CHODL: variants seen among roughly 807,000 people sequenced by gnomAD.
CHODL encodes the protein chondrolectin.
In CHODL, 29 loss-of-function variants were observed where a neutral mutation model predicts 34.5. That is an observed-to-expected ratio of 0.84 (90% confidence interval 0.63 to 1.15). The LOEUF is 1.15. CHODL is among the 50% of genes most tolerant of loss of function. CHODL has a pLI of 0.00. For synonymous variants in CHODL, 125 were observed against 116.1 expected (o/e 1.08, Z -0.49); for missense variants, 332 against 332.5 (o/e 1.00, Z 0.01).
At chr21:18,231,566 C>A (rs1242323062) in intron 2 of CHODL, among the ~76,000 whole-genome samples, 2 of 152,074 alleles carry the variant, frequency 1.3e-5, no homozygotes, top group African/African-American at 4.8e-5. Flanking sequence ...GCTTGCCTTG[C>A]ATTGTTTTTT....
chr21:18,260,437 A>G, intron 4 of CHODL, 151 bp downstream of exon 4: 2 of 515,768 alleles, frequency 3.9e-6, no homozygotes, highest in Non-Finnish European at 6.9e-6. Context: ...TAGGTTAGAA[A>G]AAATTATGCT....
intron 1 of CHODL, among the ~76,000 whole-genome samples, chr21:17,929,717 C>T (rs1465870910): frequency 6.6e-6 from 1 of 152,186 alleles, no homozygotes. Flanking sequence ...GGAACTTGCC[C>T]GGAGATTGCG....
intron 1 of CHODL, among the ~76,000 whole-genome samples, chr21:17,919,700 G>A (rs559135503): frequency 9.2e-5 from 14 of 152,248 alleles, no homozygotes; most frequent in Non-Finnish European, 1.2e-4. Context: ...GCAAATTTAT[G>A]CAGCCAGCTT....
At chr21:18,069,662 G>A (rs966374846) in intron 2 of CHODL, among the ~76,000 whole-genome samples, 41 of 152,136 alleles carry the variant, frequency 2.7e-4, no homozygotes, top group African/African-American at 9.6e-4. Flanking sequence ...ACATAAAGTT[G>A]ACTTAGTACA....
chr21:18,026,130 G>C (rs1386607819), intron 1 of CHODL, among the ~76,000 whole-genome samples: 1 of 152,160 alleles, frequency 6.6e-6, no homozygotes, highest in African/African-American at 2.4e-5. Flanking sequence ...GGACATAATA[G>C]ACATGAAATT....
chr21:18,008,779 G>A (rs1369422269), intron 1 of CHODL, among the ~76,000 whole-genome samples: 1 of 152,124 alleles, frequency 6.6e-6, no homozygotes, highest in Non-Finnish European at 1.5e-5. Flanking sequence ...GATAGGGACA[G>A]ACAAATCATA....
chr21:17,938,077 G>T (rs958809661), intron 1 of CHODL, among the ~76,000 whole-genome samples: 2 of 152,294 alleles, frequency 1.3e-5, no homozygotes, highest in Non-Finnish European at 2.9e-5. Flanking sequence ...AATTTGAAAA[G>T]TAAATTTTCA....
At chr21:17,973,081 C>T (rs1600846756) in intron 1 of CHODL, among the ~76,000 whole-genome samples, 1 of 152,178 alleles carries the variant, frequency 6.6e-6, no homozygotes, top group Non-Finnish European at 1.5e-5. Context: ...GGAAAACTGG[C>T]TAGCCATATG....
intron 2 of CHODL, among the ~76,000 whole-genome samples, chr21:18,200,426 A>G (rs1407820827): frequency 6.6e-6 from 1 of 152,202 alleles, no homozygotes. Flanking sequence ...TCACAAGGAA[A>G]GTACTTTTAT....
At chr21:18,061,755 A>G (rs2064669297) in intron 2 of CHODL, among the ~76,000 whole-genome samples, 1 of 152,238 alleles carries the variant, frequency 6.6e-6, no homozygotes, top group African/African-American at 2.4e-5. Flanking sequence ...AGTAGGCATC[A>G]GCAAAGATAT....
rs183985704 is a variant in CHODL, at chr21:18,190,742, T to C, written c.-44-65767T>C. 5.0e-3 allele frequency among the ~76,000 whole-genome samples: 767 copies of C among 152,318 alleles called. 8 individuals are homozygous for C. Among genetic ancestry groups the C allele is most frequent in the South Asian group, 0.019 (91 of 4,826 alleles). ...CACGTAAGGCTGAAGAGATTTTGTA[T>C]AGCAATCTGATAAAAACAATAAGAA... On this transcript the variant is annotated intron_variant, in intron 2 of 6. Transcript: ENST00000400127.
At chr21:18,162,502 C>T (rs2073108532) in intron 2 of CHODL, among the ~76,000 whole-genome samples, 1 of 151,338 alleles carries the variant, frequency 6.6e-6, no homozygotes, top group Admixed American at 6.6e-5. Flanking sequence ...CAAATTTACC[C>T]ATTTAATAAG....
chr21:18,175,269 C>G (rs1325350157), intron 2 of CHODL, among the ~76,000 whole-genome samples: 1 of 152,124 alleles, frequency 6.6e-6, no homozygotes, highest in Non-Finnish European at 1.5e-5. Context: ...TCTTTTTCAT[C>G]TATTCATTCA....
chr21:18,070,450 GA>G lies in CHODL; in HGVS notation c.-45+42489del, dbSNP rs931092021. On this transcript the variant is annotated intron_variant, in intron 2 of 6. Coordinates refer to the CHODL transcript ENST00000400127. ...ACATTGGTACTGAAGTATAGCTAGG[GA>G]AAAAAAAAAGTAAAATTGGAGATGA... Among the ~76,000 whole-genome samples the G allele has an allele frequency of 8.2e-5, 12 of 146,880 alleles. 1 individual carries two copies. Among genetic ancestry groups the G allele is most frequent in the South Asian group, 6.5e-4 (3 of 4,626 alleles).
At chr21:18,248,280 T>C (rs973988090) in intron 1 of CHODL, among the ~76,000 whole-genome samples, 9 of 151,716 alleles carry the variant, frequency 5.9e-5, no homozygotes, top group African/African-American at 2.2e-4. Flanking sequence ...CAATATGATA[T>C]AATATATACC....
rs578048614 is a variant in CHODL, at chr21:17,954,680, C to G, written c.-145+37280C>G. On this transcript the variant is annotated intron_variant, in intron 1 of 6. Transcript: ENST00000400127. ...TTGAAGTAAAGGTTCTGTTGTTTCTCAGGCTTCAGACTCAGGCTGGAAGTA... is the reference window on the plus strand; with the variant it reads ...TTGAAGTAAAGGTTCTGTTGTTTCTGAGGCTTCAGACTCAGGCTGGAAGTA... 2.7e-4 allele frequency among the ~76,000 whole-genome samples: 36 copies of G among 133,986 alleles called. 6 individuals carry two copies. The highest frequency in any genetic ancestry group is 2.2e-3 in the Admixed American group (30 of 13,496). 87.9% of individuals were successfully genotyped at this position (133,986 alleles called of 152,430 possible). A position where few individuals can be genotyped will look rare whatever the true frequency, so the allele number is the denominator to read the frequency against.
chr21:17,954,552 T>A (rs2063482872), intron 1 of CHODL, among the ~76,000 whole-genome samples: 1 of 136,280 alleles, frequency 7.3e-6, no homozygotes. Context: ...GAGAATTTGT[T>A]CTCTCTGCCT....
chr21:18,256,777 A>G lies in CHODL; in HGVS notation c.348A>G (p.Pro116=), dbSNP rs746736900. 35 of 1,614,114 alleles carry G rather than the reference A, an allele frequency of 2.2e-5. No individual in the cohort carries two copies. In the Middle Eastern group the frequency reaches 9.9e-4, roughly 46 times the overall value. ...NGDGQTSGAC[P]DLYQWSDGSN... is the part of the protein sequence containing the mutation. ...ATGGGCAAACATCTGGTGCCTGCCC[A>G]GATCTCTACCAGTGGTCTGATGGAA... Residue 116 remains proline, a synonymous_variant, in exon 2 of 6, where the codon CCA becomes CCG. Transcript: ENST00000299295.
chr21:18,249,075 A>T lies in CHODL; in HGVS notation c.79+3773A>T, dbSNP rs530796361. The stretch of plus-strand genomic sequence containing the variant: ...TATTATATATAATTTACTATATATA[A>T]TATATATATAATAAAATATATATAT... On this transcript the variant is annotated intron_variant, in intron 1 of 5. Transcript: ENST00000299295. Among the ~76,000 whole-genome samples the T allele has an allele frequency of 2.0e-4, 22 of 112,146 alleles. No individual in the cohort carries two copies. The East Asian group carries it at 5.0e-3, about 25-fold the overall frequency. The allele number at this position is 112,146 out of a possible 152,430, so 73.6% of individuals were successfully genotyped here.
Sources: allele counts gnomAD v4.1 joint callset (sites outside exome capture counted in the v4.1 genomes callset), GRCh38; gene constraint gnomAD v4.1.1; transcripts MANE v1.5; gene names NCBI Gene and HGNC (gene_info 2026-07-23, HGNC 2026-07-21).